The following UNC5D variants were observed in gnomAD, a reference collection of about 807,000 sequenced individuals.
The protein encoded by UNC5D is unc-5 netrin receptor D.
In UNC5D, 39 loss-of-function variants were observed where a neutral mutation model predicts 105.4. The ratio of observed to expected loss-of-function variants is 0.37; its 90% CI spans 0.29 to 0.48. UNC5D has a LOEUF of 0.48. UNC5D is among the 20% of genes least tolerant of loss of function. The pLI is 0.98. For synonymous variants in UNC5D, 452 were observed against 450.4 expected (o/e 1.00, Z -0.04); for missense variants, 991 against 1,202.4 (o/e 0.82, Z 2.60).
intron 4 of UNC5D, among the ~76,000 whole-genome samples, chr8:35,663,868 A>G (rs2131244817): frequency 6.6e-6 from 1 of 152,336 alleles, no homozygotes; most frequent in African/African-American, 2.4e-5. Flanking sequence ...TTGATTTGAA[A>G]ATATGAGGTA....
intron 4 of UNC5D, among the ~76,000 whole-genome samples, chr8:35,615,577 T>G (rs549973395): frequency 1.3e-5 from 2 of 152,160 alleles, no homozygotes; most frequent in Non-Finnish European, 2.9e-5. Flanking sequence ...TCTTGGCTCT[T>G]TTCTATAAAT....
At chr8:35,787,954 CATTTCT>C (rs1699034932) in intron 16 of UNC5D, among the ~76,000 whole-genome samples, 1 of 151,966 alleles carries the variant, frequency 6.6e-6, no homozygotes, top group South Asian at 2.1e-4. Context: ...TTTGCTTTGC[CATTTCT>C]ATTAGTATAG....
At chr8:35,407,343 A>C (rs1379194842) in intron 1 of UNC5D, among the ~76,000 whole-genome samples, 1 of 151,968 alleles carries the variant, frequency 6.6e-6, no homozygotes, top group African/African-American at 2.4e-5. Context: ...ATATTAGTAT[A>C]AGTAAAAAAA....
chr8:35,540,700 T>G (rs1815215323), intron 1 of UNC5D, among the ~76,000 whole-genome samples: 2 of 152,164 alleles, frequency 1.3e-5, no homozygotes. Context: ...GTATCTGCCA[T>G]CATAACTGGT....
At chr8:35,570,210 G>A (rs771300453) in intron 3 of UNC5D, among the ~76,000 whole-genome samples, 1 of 152,196 alleles carries the variant, frequency 6.6e-6, no homozygotes, top group Non-Finnish European at 1.5e-5. Flanking sequence ...TGTCTGACGT[G>A]TGCCATCACA....
chr8:35,349,256 A>G (rs1006187763), intron 1 of UNC5D, among the ~76,000 whole-genome samples: 3 of 151,974 alleles, frequency 2.0e-5, no homozygotes, highest in African/African-American at 4.8e-5. Context: ...TTAAGTGACA[A>G]TGTAGGAATC....
intron 1 of UNC5D, among the ~76,000 whole-genome samples, chr8:35,367,484 G>T (rs1474690575): frequency 6.6e-6 from 1 of 152,170 alleles, no homozygotes; most frequent in African/African-American, 2.4e-5. Flanking sequence ...CTAGTGTGTT[G>T]ATGGCAGATG....
chr8:35,264,828 G>A (rs1804745330), intron 1 of UNC5D, among the ~76,000 whole-genome samples: 1 of 152,140 alleles, frequency 6.6e-6, no homozygotes, highest in South Asian at 2.1e-4. Flanking sequence ...TATTGGCAGG[G>A]CCATCCTGTG....
chr8:35,479,289 G>A (rs908559498), intron 1 of UNC5D, among the ~76,000 whole-genome samples: 2 of 152,006 alleles, frequency 1.3e-5, no homozygotes, highest in Non-Finnish European at 2.9e-5. Context: ...GGAAAACAAA[G>A]GAATCAGAAA....
At position 35,474,816 on chromosome 8, in the gene UNC5D, A is replaced by G. The variant is rs373779882; in HGVS notation, c.104-74476A>G. Among the ~76,000 whole-genome samples the G allele has an allele frequency of 3.2e-4, 49 of 152,258 alleles. 1 individual carries two copies. The South Asian group carries it at 9.5e-3, about 30-fold the overall frequency. On this transcript the variant is annotated intron_variant, in intron 1 of 16. Coordinates refer to ENST00000404895, the MANE Select transcript of UNC5D (RefSeq NM_080872.4). Reference sequence around the variant, plus strand: ...GCTAAGATAATAAATTCCCTTGACTAATAAAACTTTCTATAAGGCTTTAGT... The same window carrying G: ...GCTAAGATAATAAATTCCCTTGACTGATAAAACTTTCTATAAGGCTTTAGT...
At chr8:35,269,292 A>G (rs1288001506) in intron 1 of UNC5D, among the ~76,000 whole-genome samples, 1 of 152,084 alleles carries the variant, frequency 6.6e-6, no homozygotes, top group African/African-American at 2.4e-5. Context: ...CTCTAGTCAG[A>G]CCCCAGGTGG....
chr8:35,400,745 A>T lies in UNC5D; in HGVS notation c.104-148547A>T, dbSNP rs376204142. Reference sequence around the variant, plus strand: ...TGTCCTCATCTCCCACCACATTCAAAATTGGCCGATTATAATCCTTCGTCA... The same window carrying T: ...TGTCCTCATCTCCCACCACATTCAATATTGGCCGATTATAATCCTTCGTCA... On this transcript the variant is annotated intron_variant, in intron 1 of 16. Transcript: ENST00000404895. 2.5e-4 allele frequency among the ~76,000 whole-genome samples: 38 copies of T among 152,202 alleles called. 1 individual carries two copies. The highest frequency in any genetic ancestry group is 8.4e-4 in the African/African-American group (35 of 41,532).
chr8:35,778,559 C>T (rs1000302766), intron 16 of UNC5D, among the ~76,000 whole-genome samples: 5 of 152,172 alleles, frequency 3.3e-5, no homozygotes, highest in Non-Finnish European at 5.9e-5. Context: ...ATTTCATCAA[C>T]CCTGGGATCA....
chr8:35,762,931 T>C (rs975806884), intron 14 of UNC5D, among the ~76,000 whole-genome samples: 1 of 152,182 alleles, frequency 6.6e-6, no homozygotes, highest in African/African-American at 2.4e-5. Context: ...AGAACCTAAT[T>C]ATAATAGGAG....
chr8:35,266,541 C>T (rs1804885225), intron 1 of UNC5D, among the ~76,000 whole-genome samples: 1 of 152,106 alleles, frequency 6.6e-6, no homozygotes. Context: ...AGGTCTATTC[C>T]AGTAACTATT....
At chr8:35,321,247 A>T (rs1242171825) in intron 1 of UNC5D, among the ~76,000 whole-genome samples, 1 of 152,136 alleles carries the variant, frequency 6.6e-6, no homozygotes, top group African/African-American at 2.4e-5. Flanking sequence ...CTGTAAGCTC[A>T]TTTAGGACCT....
At chr8:35,502,082 C>G (rs559672336) in intron 1 of UNC5D, among the ~76,000 whole-genome samples, 2 of 152,184 alleles carry the variant, frequency 1.3e-5, no homozygotes, top group Non-Finnish European at 1.5e-5. Context: ...CAGTGTTTTA[C>G]GAGCATATTA....
intron 1 of UNC5D, among the ~76,000 whole-genome samples, chr8:35,330,944 A>G (rs1009614339): frequency 6.6e-6 from 1 of 152,198 alleles, no homozygotes; most frequent in Non-Finnish European, 1.5e-5. Context: ...CACAAATGTG[A>G]TGCAGCCTCA....
At chr8:35,430,210 G>T (rs1202941085) in intron 1 of UNC5D, among the ~76,000 whole-genome samples, 1 of 152,018 alleles carries the variant, frequency 6.6e-6, no homozygotes, top group Non-Finnish European at 1.5e-5. Flanking sequence ...TTGATCACCA[G>T]TGGCCAGTGG....
Sources: allele counts gnomAD v4.1 joint callset (sites outside exome capture counted in the v4.1 genomes callset), GRCh38; gene constraint gnomAD v4.1.1; transcripts MANE v1.5; gene names NCBI Gene and HGNC (gene_info 2026-07-23, HGNC 2026-07-21).